The following TSPAN18 variants were observed in gnomAD, a reference collection of about 807,000 sequenced individuals.
TSPAN18 encodes the protein tetraspanin-18.
In TSPAN18, 14 loss-of-function variants were observed where a neutral mutation model predicts 27.3. That is an observed-to-expected ratio of 0.51 (90% CI 0.34 to 0.80). The LOEUF (loss-of-function observed/expected upper bound fraction) is 0.80. Among genes scored for constraint, TSPAN18 ranks in the 30% least tolerant of loss-of-function variants. The probability of loss-of-function intolerance (pLI) is 0.01; values close to 1 mark genes in which losing one functional copy is unlikely to be tolerated. For missense variants in TSPAN18, 268 were observed against 323.9 expected (o/e 0.83, Z 1.32); for synonymous variants, 143 against 136.5 (o/e 1.05, Z -0.33).
rs74446529 is a variant in TSPAN18, at chr11:44,807,459, C to T, written c.-153+42947C>T. 0.013 allele frequency among the ~76,000 whole-genome samples: 1,612 copies of T among 127,132 alleles called. 107 individuals are homozygous for T. The East Asian group carries it at 0.24, about 19-fold the overall frequency. The allele number at this position is 127,132 out of a possible 152,430, so 83.4% of individuals were successfully genotyped here. On this transcript the variant is annotated intron_variant, in intron 2 of 9. Transcript: ENST00000520358. Reference sequence around the variant, plus strand: ...AGGAGAATTGCTTGAATCCGGGAGGCGGAGGTTACAGTGAGCCGAGATTGC... The same window carrying T: ...AGGAGAATTGCTTGAATCCGGGAGGTGGAGGTTACAGTGAGCCGAGATTGC...
chr11:44,873,776 G>A (rs1186052235), intron 3 of TSPAN18, among the ~76,000 whole-genome samples: 7 of 152,182 alleles, frequency 4.6e-5, no homozygotes, highest in Admixed American at 1.3e-4. Context: ...CCTGTTACCT[G>A]GATACAGAGG....
chr11:44,764,594 C>A (rs1291120924), intron 2 of TSPAN18, 82 bp downstream of exon 2: 1 of 152,300 alleles, frequency 6.6e-6, no homozygotes, highest in East Asian at 1.9e-4. Flanking sequence ...TCTCTTCCTG[C>A]CCTCCAAACC....
chr11:44,824,512 C>T (rs371458151), intron 2 of TSPAN18, among the ~76,000 whole-genome samples: 42 of 152,292 alleles, frequency 2.8e-4, no homozygotes, highest in African/African-American at 9.1e-4. Context: ...CTGCCCTAAC[C>T]GAATACCTCT....
At chr11:44,759,370 TC>T (rs1855400051) in intron 1 of TSPAN18, among the ~76,000 whole-genome samples, 1 of 152,166 alleles carries the variant, frequency 6.6e-6, no homozygotes, top group Admixed American at 6.5e-5. Context: ...ACGTGGTCTC[TC>T]CTCAGACCTA....
chr11:44,924,922 G>A (rs1860293438), intron 8 of TSPAN18, among the ~76,000 whole-genome samples: 1 of 152,190 alleles, frequency 6.6e-6, no homozygotes, highest in African/African-American at 2.4e-5. Context: ...CAAAGGATTT[G>A]GGGCTCCAAC....
chr11:44,793,563 G>GT lies in TSPAN18; in HGVS notation c.-153+29055dup, dbSNP rs200905699. ...ACGGAGCTCACCTTTTTCCACCTCA[G>GT]TTTTCTTTTCTGTAAAATGGGGATC... On this transcript the variant is annotated intron_variant, in intron 2 of 9. Transcript: ENST00000520358. Among the ~76,000 whole-genome samples the GT allele has an allele frequency of 8.6e-3, 1,314 of 152,210 alleles. 18 individuals carry two copies. The highest frequency in any genetic ancestry group is 0.012 in the Non-Finnish European group (837 of 67,994).
chr11:44,877,776 T>C (rs920099004), intron 3 of TSPAN18, among the ~76,000 whole-genome samples: 2 of 151,150 alleles, frequency 1.3e-5, no homozygotes, highest in African/African-American at 4.9e-5. Context: ...TCCTAATTAG[T>C]GTGAATAGGG....
intron 3 of TSPAN18, among the ~76,000 whole-genome samples, chr11:44,887,626 G>A (rs1203203799): frequency 3.3e-5 from 5 of 152,222 alleles, no homozygotes; most frequent in Admixed American, 6.5e-5. Flanking sequence ...CCTGGGGCCC[G>A]CCTTTCCCCT....
At chr11:44,842,018 C>T (rs571990227) in intron 2 of TSPAN18, among the ~76,000 whole-genome samples, 109 of 152,296 alleles carry the variant, frequency 7.2e-4, no homozygotes, top group African/African-American at 2.1e-3. Flanking sequence ...CATTGTGCAG[C>T]GGGGAAACTG....
chr11:44,923,829 C>T (rs1181352756), intron 8 of TSPAN18, among the ~76,000 whole-genome samples: 1 of 135,388 alleles, frequency 7.4e-6, no homozygotes, highest in African/African-American at 3.4e-5. Flanking sequence ...GTCCATGCCC[C>T]AACCTCCCCA....
At chr11:44,823,941 G>C (rs1045405735) in intron 2 of TSPAN18, among the ~76,000 whole-genome samples, 7 of 152,262 alleles carry the variant, frequency 4.6e-5, no homozygotes, top group African/African-American at 1.7e-4. Flanking sequence ...GGAAAACCAG[G>C]ATTTATGGAG....
intron 8 of TSPAN18, among the ~76,000 whole-genome samples, chr11:44,923,387 C>G (rs931385391): frequency 9.2e-5 from 14 of 152,138 alleles, no homozygotes; most frequent in African/African-American, 3.1e-4. Flanking sequence ...GACTCATAGT[C>G]TGTGGTGGCA....
At chr11:44,802,636 C>CACACACACACACACACAA (rs1209331053) in intron 2 of TSPAN18, among the ~76,000 whole-genome samples, 1 of 151,176 alleles carries the variant, frequency 6.6e-6, no homozygotes, top group Admixed American at 6.6e-5. Flanking sequence ...CACACACACA[C>CACACACACACACACACAA]AGCCTCTGGC....
Position 44,919,227 on chromosome 11 carries a change from T to C in TSPAN18, c.347T>C (p.Phe116Ser), listed in dbSNP as rs779314197. ...CTCTGCCCCCAGCTCACCCGAGAAT[T>C]CTTCACCAAGGAGCTCACCAAGCAC... ...FIFRENLTRE[F>S]FTKELTKHYQ... The change falls in exon 7 of 10, where the codon TTC becomes TCC. Residue 116 changes from phenylalanine (F) to serine (S), a missense_variant. Transcript: ENST00000520358. The C allele has an allele frequency of 3.1e-6, 5 of 1,614,028 alleles. No homozygotes were observed. In the South Asian group the frequency reaches 3.3e-5, roughly 11 times the overall value.
chr11:44,877,008 C>T (rs4755908), intron 3 of TSPAN18, among the ~76,000 whole-genome samples: 60,533 of 152,116 alleles, frequency 0.4, 13,829 homozygotes, highest in Non-Finnish European at 0.51. Context: ...CTGCAGCGGA[C>T]GCCAGGATGG....
At chr11:44,739,923 CAT>C (rs753103619) in intron 1 of TSPAN18, among the ~76,000 whole-genome samples, 4 of 152,192 alleles carry the variant, frequency 2.6e-5, no homozygotes, top group Non-Finnish European at 5.9e-5. Context: ...ATGGGAGAGG[CAT>C]GTCCTTTTGG....
At chr11:44,889,511 G>C (rs1045254535) in intron 3 of TSPAN18, among the ~76,000 whole-genome samples, 7 of 152,362 alleles carry the variant, frequency 4.6e-5, no homozygotes, top group African/African-American at 1.4e-4. Context: ...ACACAGGCTG[G>C]CTGGCCCCAG....
At chr11:44,911,852 G>C (rs1209351486) in intron 5 of TSPAN18, among the ~76,000 whole-genome samples, 3 of 152,024 alleles carry the variant, frequency 2.0e-5, no homozygotes, top group African/African-American at 4.8e-5. Context: ...ATGTGTCCAC[G>C]ATCCTCCCGA....
chr11:44,766,819 G>A (rs2134902223), intron 2 of TSPAN18, among the ~76,000 whole-genome samples: 1 of 152,326 alleles, frequency 6.6e-6, no homozygotes, highest in Non-Finnish European at 1.5e-5. Context: ...GAAGATTGGG[G>A]GCTGAGTCCC....
Sources: allele counts gnomAD v4.1 joint callset (sites outside exome capture counted in the v4.1 genomes callset), GRCh38; gene constraint gnomAD v4.1.1; transcripts MANE v1.5; gene names NCBI Gene and HGNC (gene_info 2026-07-23, HGNC 2026-07-21).